Variants in EMC2 observed in about 807,000 individuals in gnomAD.
The protein encoded by EMC2 is ER membrane protein complex subunit 2.
Under a neutral mutation model 51.6 loss-of-function variants are expected in EMC2, and 37 were observed. The observed-to-expected ratio is 0.72, with a 90% CI of 0.55 to 0.94. The LOEUF is 0.94. Ranked by LOEUF, EMC2 falls within the 40% of genes least tolerant of loss-of-function variation. The pLI, the probability that EMC2 is intolerant of heterozygous loss-of-function variation, is 0.00. For synonymous variants in EMC2, 131 were observed against 112.4 expected (o/e 1.17, Z -1.04); for missense variants, 359 against 350.9 (o/e 1.02, Z -0.18).
At chr8:108,464,802 C>T (rs539768855) in intron 5 of EMC2, among the ~76,000 whole-genome samples, 5 of 152,352 alleles carry the variant, frequency 3.3e-5, no homozygotes, top group Admixed American at 2.6e-4. Flanking sequence ...CACAGTCAGA[C>T]GTGTTCCGTA....
intron 3 of EMC2, among the ~76,000 whole-genome samples, chr8:108,452,073 G>C (rs9656879): frequency 6.6e-6 from 1 of 151,996 alleles, no homozygotes; most frequent in Non-Finnish European, 1.5e-5. Flanking sequence ...TGGACTATTT[G>C]TATCATCTTT....
Position 108,486,990 on chromosome 8 carries a change from C to G in EMC2, c.*392C>G, listed in dbSNP as rs528423102. On this transcript the variant is annotated 3_prime_UTR_variant, in exon 11 of 11. Coordinates refer to ENST00000220853, the MANE Select transcript of EMC2 (RefSeq NM_014673.5). ...GTTTAAGAACTCAGTTTCTAGTTAA[C>G]TCCTTACTGGTGATAGCAAAGTCAC... 2.6e-5 allele frequency: 4 copies of G among 154,428 alleles called. No homozygotes were observed. Among genetic ancestry groups the G allele is most frequent in the African/African-American group, 9.6e-5 (4 of 41,672 alleles). The allele number at this position is 154,428 out of a possible 1,614,324, so 9.6% of individuals were successfully genotyped here. A position where few individuals can be genotyped will look rare whatever the true frequency, so the allele number is the denominator to read the frequency against.
At chr8:108,460,415 T>C (rs913647998) in intron 5 of EMC2, among the ~76,000 whole-genome samples, 8 of 152,304 alleles carry the variant, frequency 5.3e-5, no homozygotes, top group Admixed American at 1.3e-4. Flanking sequence ...TGGTACAGAT[T>C]GAACATCCTT....
At chr8:108,470,206 G>C in intron 7 of EMC2, 85 bp downstream of exon 7, 1 of 809,030 alleles carries the variant, frequency 1.2e-6, no homozygotes, top group Non-Finnish European at 2.1e-6. Flanking sequence ...CAAAGGATTG[G>C]TGAGAGGGTG....
intron 10 of EMC2, among the ~76,000 whole-genome samples, chr8:108,481,054 T>C (rs1811036205): frequency 6.6e-6 from 1 of 152,082 alleles, no homozygotes; most frequent in Non-Finnish European, 1.5e-5. Flanking sequence ...TACCACACAG[T>C]TGTTAATCTT....
Position 108,469,780 on chromosome 8 carries a change from C to A in EMC2, c.364-46C>A, listed in dbSNP as rs765002918. 2.8e-5 allele frequency: 42 copies of A among 1,501,156 alleles called. 1 individual carries two copies. In the South Asian group the frequency reaches 4.5e-4, roughly 16 times the overall value. 93.0% of individuals were successfully genotyped at this position (1,501,156 alleles called of 1,614,324 possible). A position where few individuals can be genotyped will look rare whatever the true frequency, so the allele number is the denominator to read the frequency against. Reference sequence around the variant, plus strand: ...GTCAAATTACCTTCTTTACAAAACCCCAAGGAATCATAAGGGCCTAATCCT... The same window carrying A: ...GTCAAATTACCTTCTTTACAAAACCACAAGGAATCATAAGGGCCTAATCCT... On this transcript the variant is annotated intron_variant, in intron 5 of 10. Coordinates refer to ENST00000220853, the MANE Select transcript of EMC2 (RefSeq NM_014673.5).
At chr8:108,476,532 C>T (rs900291889) in intron 8 of EMC2, among the ~76,000 whole-genome samples, 7 of 151,894 alleles carry the variant, frequency 4.6e-5, no homozygotes, top group African/African-American at 1.4e-4. Flanking sequence ...CTTTTTATTG[C>T]GGCAGCATTT....
intron 5 of EMC2, among the ~76,000 whole-genome samples, chr8:108,469,385 T>C (rs1047477788): frequency 1.3e-5 from 2 of 152,158 alleles, no homozygotes; most frequent in Admixed American, 6.6e-5. Context: ...CTTAAAATTG[T>C]GAAAAAGTTG....
At chr8:108,461,407 T>A (rs529219683) in intron 5 of EMC2, among the ~76,000 whole-genome samples, 7 of 152,324 alleles carry the variant, frequency 4.6e-5, no homozygotes, top group Admixed American at 1.3e-4. Flanking sequence ...TGAGGTAGCA[T>A]GATGTGATGA....
At chr8:108,458,076 CA>C (rs1320637345) in intron 5 of EMC2, among the ~76,000 whole-genome samples, 1 of 152,212 alleles carries the variant, frequency 6.6e-6, no homozygotes, top group African/African-American at 2.4e-5. Flanking sequence ...TCCAGCGGGG[CA>C]GTGGAATCTT....
chr8:108,475,836 A>T (rs779676089), intron 7 of EMC2, 46 bp from the exon 8 acceptor site: 1 of 1,114,186 alleles, frequency 9.0e-7, no homozygotes, highest in African/African-American at 1.6e-5. Context: ...CTAAGATAAA[A>T]ATTTGTGACT....
At chr8:108,471,339 A>AT (rs1810852404) in intron 7 of EMC2, among the ~76,000 whole-genome samples, 1 of 151,836 alleles carries the variant, frequency 6.6e-6, no homozygotes, top group Admixed American at 6.6e-5. Context: ...GTCATTTAAC[A>AT]TTTTTTGTAC....
chr8:108,467,061 G>A (rs1247536412), intron 5 of EMC2, among the ~76,000 whole-genome samples: 1 of 152,138 alleles, frequency 6.6e-6, no homozygotes, highest in African/African-American at 2.4e-5. Flanking sequence ...TATGTAAAAT[G>A]AAGAGATGTA....
At chr8:108,467,631 T>G (rs1810756932) in intron 5 of EMC2, among the ~76,000 whole-genome samples, 1 of 152,210 alleles carries the variant, frequency 6.6e-6, no homozygotes, top group African/African-American at 2.4e-5. Flanking sequence ...GGTCTCTCAC[T>G]CCTGGGCTCA....
chr8:108,478,045 TAAG>T (rs1416923056), intron 9 of EMC2, among the ~76,000 whole-genome samples: 7 of 151,984 alleles, frequency 4.6e-5, no homozygotes, highest in African/African-American at 7.2e-5. Flanking sequence ...CTAAAATTCA[TAAG>T]AAGAAGGTAA....
intron 5 of EMC2, 93 bp from the exon 6 acceptor site, chr8:108,469,733 C>G: frequency 1.0e-6 from 1 of 1,003,026 alleles, no homozygotes; most frequent in Non-Finnish European, 1.5e-6. Context: ...ATTTCTCTGG[C>G]ATTGAGATAA....
intron 5 of EMC2, among the ~76,000 whole-genome samples, chr8:108,461,707 A>T (rs1819322095): frequency 6.6e-6 from 1 of 152,204 alleles, no homozygotes; most frequent in Admixed American, 6.5e-5. Flanking sequence ...TAAAGTTCTG[A>T]AATACTCTAT....
intron 1 of EMC2, among the ~76,000 whole-genome samples, chr8:108,445,892 A>C (rs1818867809): frequency 6.6e-6 from 1 of 152,158 alleles, no homozygotes; most frequent in Non-Finnish European, 1.5e-5. Context: ...TCTAGCGTTG[A>C]AATAATTTCT....
intron 10 of EMC2, among the ~76,000 whole-genome samples, chr8:108,479,590 G>A (rs1353459100): frequency 2.0e-5 from 3 of 151,980 alleles, no homozygotes; most frequent in African/African-American, 7.3e-5. Flanking sequence ...TCTAAAGTTC[G>A]TCCTTAGCAG....
Sources: gnomAD v4.1 joint callset for allele counts (sites outside exome capture counted in the v4.1 genomes callset) on GRCh38, gnomAD v4.1.1 for gene constraint, MANE v1.5 for transcripts, NCBI Gene and HGNC (gene_info 2026-07-23, HGNC 2026-07-21) for gene names.